Variants in IDNK observed in about 807,000 individuals in gnomAD.
IDNK encodes the protein IDNK gluconokinase, also known as gluconokinase.
In IDNK, 9 loss-of-function variants were observed where a neutral mutation model predicts 13.0. The ratio of observed to expected loss-of-function variants is 0.69; its 90% CI spans 0.42 to 1.21. IDNK has a LOEUF of 1.21. Among genes scored for constraint, IDNK ranks in the 50% most tolerant of loss-of-function variants. IDNK has a pLI of 0.00. For missense variants in IDNK, 210 were observed against 237.8 expected (o/e 0.88, Z 0.77); for synonymous variants, 92 against 94.9 (o/e 0.97, Z 0.18).
intron 1 of IDNK, among the ~76,000 whole-genome samples, chr9:83,625,040 G>A (rs1830812485): frequency 6.6e-6 from 1 of 152,210 alleles, no homozygotes; most frequent in Non-Finnish European, 1.5e-5. Context: ...TAAGGAGCAG[G>A]AAGGAACCCA....
chr9:83,627,853 CAAAAAA>C (rs149062579), intron 1 of IDNK, among the ~76,000 whole-genome samples: 1 of 73,954 alleles, frequency 1.4e-5, no homozygotes, highest in Admixed American at 1.5e-4. Flanking sequence ...ATCCCCACCA[CAAAAAA>C]AAAAAAAAAA....
chr9:83,630,977 T>G (rs1830993928), intron 3 of IDNK, among the ~76,000 whole-genome samples: 3 of 151,804 alleles, frequency 2.0e-5, no homozygotes, highest in Admixed American at 2.0e-4. Flanking sequence ...GATAAGGAGG[T>G]AGAACGACAG....
At chr9:83,624,712 T>TTTTTTTG in intron 1 of IDNK, among the ~76,000 whole-genome samples, 1 of 151,492 alleles carries the variant, frequency 6.6e-6, no homozygotes. Flanking sequence ...TTTTGTTTTT[T>TTTTTTTG]TTTTGTTTTG....
At chr9:83,628,782 T>A (rs1830930978) in intron 2 of IDNK, 91 bp from the exon 3 acceptor site, 2 of 896,040 alleles carry the variant, frequency 2.2e-6, no homozygotes. Context: ...CGGGTGGTAT[T>A]GTTTCTACAC....
At chr9:83,623,471 C>T (rs1830760147) in intron 1 of IDNK, 1 of 481,400 alleles carries the variant, frequency 2.1e-6, no homozygotes, top group Non-Finnish European at 3.7e-6. Context: ...CTGCGGCGAC[C>T]GCAGGCTCAG....
chr9:83,623,296 C>T, intron 1 of IDNK, 75 bp downstream of exon 1: 1 of 1,278,566 alleles, frequency 7.8e-7, no homozygotes, highest in South Asian at 1.7e-5. Context: ...CGTCGCCGTC[C>T]CTGCCGGTGG....
intron 1 of IDNK, among the ~76,000 whole-genome samples, chr9:83,624,290 A>C (rs1432324100): frequency 1.3e-5 from 2 of 152,142 alleles, no homozygotes. Flanking sequence ...TGGCTGTGTG[A>C]GCCTGGGCAG....
chr9:83,625,512 C>T (rs13291631), intron 1 of IDNK, among the ~76,000 whole-genome samples: 24,160 of 152,094 alleles, frequency 0.16, 2,136 homozygotes, highest in South Asian at 0.23. Context: ...AGAACTGAAC[C>T]CTGGGGACTT....
intron 3 of IDNK, among the ~76,000 whole-genome samples, chr9:83,638,184 G>T (rs1300235361): frequency 3.3e-5 from 5 of 151,898 alleles, no homozygotes; most frequent in Admixed American, 6.6e-5. Flanking sequence ...CTATGAGAGA[G>T]AATCAGCAAA....
Position 83,642,535 on chromosome 9 carries a change from A to G in IDNK, c.213-894A>G, listed in dbSNP as rs909459643. Among the ~76,000 whole-genome samples, 5 of 149,182 alleles carry G rather than the reference A, an allele frequency of 3.4e-5. No homozygotes were observed. The East Asian group carries it at 6.0e-4, about 18-fold the overall frequency. On this transcript the variant is annotated intron_variant, in intron 4 of 4. Transcript: ENST00000376419. ...TAAAAAGGAGTATGGCTTCATTTTT[A>G]TATTTGCTAGCCATGTATTGGCTGC...
intron 1 of IDNK, among the ~76,000 whole-genome samples, chr9:83,625,806 C>T (rs1830833016): frequency 6.6e-6 from 1 of 152,198 alleles, no homozygotes; most frequent in Non-Finnish European, 1.5e-5. Flanking sequence ...AAGTTTGTTA[C>T]TGTCTTCCCC....
intron 3 of IDNK, among the ~76,000 whole-genome samples, chr9:83,634,278 G>A (rs1831106421): frequency 6.6e-6 from 1 of 152,078 alleles, no homozygotes; most frequent in Non-Finnish European, 1.5e-5. Context: ...CATTAATCTG[G>A]TCTGCCATAA....
chr9:83,640,570 G>A (rs765368188), intron 3 of IDNK, among the ~76,000 whole-genome samples: 6 of 152,180 alleles, frequency 3.9e-5, no homozygotes, highest in East Asian at 1.9e-4. Context: ...AGCCGGGTGC[G>A]GTGGCTCACA....
intron 3 of IDNK, among the ~76,000 whole-genome samples, chr9:83,637,033 T>A (rs1042241505): frequency 6.6e-5 from 10 of 152,382 alleles, no homozygotes; most frequent in African/African-American, 2.4e-4. Context: ...ATTTGTTAAG[T>A]ACATTTCAGC....
intron 3 of IDNK, 151 bp from the exon 4 acceptor site, chr9:83,641,397 G>A: frequency 1.4e-6 from 1 of 707,040 alleles, no homozygotes; most frequent in South Asian, 2.0e-5. Context: ...CCAGCAGCTG[G>A]CCCCTCAGCC....
At chr9:83,631,969 G>GAA (rs113684141) in intron 3 of IDNK, among the ~76,000 whole-genome samples, 4,636 of 147,508 alleles carry the variant, frequency 0.031, 204 homozygotes, top group African/African-American at 0.11. Context: ...CTTTTTTTGG[G>GAA]AAAAAAAAAA....
In IDNK at chr9:83,643,445, C is replaced by T. The variant is rs1831370498; in HGVS notation, c.229C>T (p.Gln77Ter). ...TCTAAACAGAGATGTAGCCTCGGGACAGCGTGTGGTTCTAGCCTGTTCAGC... is the reference window on the plus strand; with the variant it reads ...TCTAAACAGAGATGTAGCCTCGGGATAGCGTGTGGTTCTAGCCTGTTCAGC... ...DILLRDVASGQRVVLACSALK... is the reference protein window; with the variant it reads ...DILLRDVASG Residue 77 changes from glutamine to a stop codon, truncating the protein, a stop_gained, in exon 5 of 5, where the codon CAG (glutamine) becomes TAG (stop). Coordinates refer to ENST00000376419, the MANE Select transcript of IDNK (RefSeq NM_001001551.4). LOFTEE classifies it low-confidence loss of function (END_TRUNC). 1 of 1,605,582 alleles carries T rather than the reference C, an allele frequency of 6.2e-7. No homozygotes were observed. Among genetic ancestry groups the T allele is most frequent in the Non-Finnish European group, 8.5e-7 (1 of 1,173,880 alleles).
intron 1 of IDNK, chr9:83,626,744 A>G (rs1830862732): frequency 8.2e-7 from 1 of 1,226,244 alleles, no homozygotes. Context: ...GATTTCTGCT[A>G]TGCACACTTC....
chr9:83,637,936 C>CCA (rs1023007918), intron 3 of IDNK, among the ~76,000 whole-genome samples: 14 of 152,134 alleles, frequency 9.2e-5, no homozygotes, highest in Non-Finnish European at 1.5e-4. Context: ...CCTCCCTGGG[C>CCA]CACAGGTGGG....
Sources: gnomAD v4.1 joint callset for allele counts (sites outside exome capture counted in the v4.1 genomes callset) on GRCh38, gnomAD v4.1.1 for gene constraint, MANE v1.5 for transcripts, NCBI Gene and HGNC (gene_info 2026-07-23, HGNC 2026-07-21) for gene names.